Variants in GINS3 observed in about 807,000 individuals in gnomAD.
GINS3 encodes the protein GINS complex subunit 3.
Under a neutral mutation model 20.0 loss-of-function variants are expected in GINS3, and 18 were observed. The observed-to-expected ratio is 0.90, with a 90% CI of 0.62 to 1.33. The LOEUF is 1.33. GINS3 is among the 40% of genes most tolerant of loss of function. The pLI, the probability that GINS3 is intolerant of heterozygous loss-of-function variation, is 0.00. For missense variants in GINS3, 254 were observed against 273.6 expected (o/e 0.93, Z 0.51); for synonymous variants, 109 against 107.0 (o/e 1.02, Z -0.12).
intron 1 of GINS3, among the ~76,000 whole-genome samples, chr16:58,400,749 TAAAA>T (rs554089926): frequency 2.0e-5 from 3 of 147,944 alleles, no homozygotes; most frequent in Non-Finnish European, 3.0e-5. Context: ...TTTTAGCACA[TAAAA>T]AAAAAATTCC....
At chr16:58,399,256 C>T (rs954912409) in intron 1 of GINS3, among the ~76,000 whole-genome samples, 2 of 150,042 alleles carry the variant, frequency 1.3e-5, no homozygotes, top group African/African-American at 4.9e-5. Context: ...CACTGCACTC[C>T]AGCCTGGGTG....
intron 1 of GINS3, among the ~76,000 whole-genome samples, chr16:58,400,524 C>G (rs968420350): frequency 3.3e-5 from 5 of 152,328 alleles, no homozygotes; most frequent in African/African-American, 1.2e-4. Flanking sequence ...CAGGCACACT[C>G]TCATCAGTTC....
At chr16:58,394,564 C>A (rs1965822957) in intron 1 of GINS3, among the ~76,000 whole-genome samples, 1 of 152,198 alleles carries the variant, frequency 6.6e-6, no homozygotes, top group Non-Finnish European at 1.5e-5. Flanking sequence ...CCAGGCTGGT[C>A]TGGAACTCCT....
At chr16:58,400,235 A>G (rs1965937339) in intron 1 of GINS3, among the ~76,000 whole-genome samples, 1 of 152,244 alleles carries the variant, frequency 6.6e-6, no homozygotes, top group Non-Finnish European at 1.5e-5. Flanking sequence ...TAGCAGAGGG[A>G]AAGGTTGCAT....
intron 2 of GINS3, 149 bp from the exon 3 acceptor site, chr16:58,404,350 C>T (rs1965998130): frequency 3.2e-6 from 2 of 621,066 alleles, no homozygotes; most frequent in South Asian, 4.0e-5. Context: ...CAATAACTTA[C>T]TTGGGTGCTA....
At chr16:58,399,692 C>G (rs545910104) in intron 1 of GINS3, among the ~76,000 whole-genome samples, 7 of 151,820 alleles carry the variant, frequency 4.6e-5, no homozygotes, top group African/African-American at 1.2e-4. Flanking sequence ...TTTTTCTATC[C>G]TTTCTTGACT....
chr16:58,401,725 C>G (rs998019809), intron 1 of GINS3, among the ~76,000 whole-genome samples: 5 of 152,246 alleles, frequency 3.3e-5, no homozygotes, highest in African/African-American at 1.2e-4. Flanking sequence ...CGTGAGCCAC[C>G]GGCCCCTGCC....
At position 58,392,939 on chromosome 16, in the gene GINS3, CCGCGGGGGTCCCTT is replaced by C. The variant is rs1315772590; in HGVS notation, c.186+157_186+170del. On this transcript the variant is annotated intron_variant, in intron 1 of 2. Transcript: ENST00000318129. ...AGGCGCTAACGACTTCTCGGAAACT[CCGCGGGGGTCCCTT>C]CGCGCTCGGGGTGGTCTCCAGACTT... The C allele has an allele frequency of 4.0e-6, 3 of 757,564 alleles. No homozygotes were observed. The East Asian group carries it at 8.4e-5, about 21-fold the overall frequency. 46.9% of individuals were successfully genotyped at this position (757,564 alleles called of 1,614,324 possible).
Position 58,404,764 on chromosome 16 carries a change from G to GGAGGGA in GINS3, c.*35_*36insGAGGGA. On this transcript the variant is annotated 3_prime_UTR_variant, in exon 3 of 3. Transcript: ENST00000318129. The stretch of plus-strand genomic sequence containing the variant: ...GAACACAGAATGGCTCCTCACAGAC[G>GGAGGGA]TATCCCTCCGTGTGTCCTTGATAGG... 2.1e-6 allele frequency: 3 copies of GGAGGGA among 1,449,930 alleles called. No individual in the cohort carries two copies. The highest frequency in any genetic ancestry group is 2.9e-6 in the Non-Finnish European group (3 of 1,039,976). The allele number at this position is 1,449,930 out of a possible 1,614,324, so 89.8% of individuals were successfully genotyped here. A position where few individuals can be genotyped will look rare whatever the true frequency, so the allele number is the denominator to read the frequency against.
rs546938119 is a variant in GINS3 at position 58,392,868 on chromosome 16, G to C, written c.186+81G>C. 7.1e-5 allele frequency: 98 copies of C among 1,373,180 alleles called. No individual in the cohort carries two copies. The African/African-American group carries it at 1.3e-3, about 18-fold the overall frequency. The allele number at this position is 1,373,180 out of a possible 1,614,324, so 85.1% of individuals were successfully genotyped here. A position where few individuals can be genotyped will look rare whatever the true frequency, so the allele number is the denominator to read the frequency against. ...CTCGGCCCTGGGACGCCGCATCGGG[G>C]CGCGCTGCCCTTTGGGATTTGTAGT... On this transcript the variant is annotated intron_variant, in intron 1 of 2. Transcript: ENST00000318129.
chr16:58,396,527 C>A (rs1216575398), intron 1 of GINS3, among the ~76,000 whole-genome samples: 1 of 53,186 alleles, frequency 1.9e-5, no homozygotes, highest in Non-Finnish European at 3.7e-5. Flanking sequence ...CTGACCCCCC[C>A]ACCTCCCTCC....
At chr16:58,393,945 T>G (rs1567534420) in intron 1 of GINS3, among the ~76,000 whole-genome samples, 1 of 152,156 alleles carries the variant, frequency 6.6e-6, no homozygotes, top group African/African-American at 2.4e-5. Context: ...ATGTACCTTT[T>G]TTAGTGGTGT....
At chr16:58,400,547 G>T (rs1965940857) in intron 1 of GINS3, among the ~76,000 whole-genome samples, 1 of 152,188 alleles carries the variant, frequency 6.6e-6, no homozygotes, top group Non-Finnish European at 1.5e-5. Flanking sequence ...GGACGGGTGA[G>T]AATCCTCCTG....
At chr16:58,397,414 G>C (rs1315087498) in intron 1 of GINS3, among the ~76,000 whole-genome samples, 1 of 149,196 alleles carries the variant, frequency 6.7e-6, no homozygotes, top group Non-Finnish European at 1.5e-5. Context: ...TGGCAGCCGG[G>C]CAGAGGCTGC....
At chr16:58,398,325 T>C (rs1965911727) in intron 1 of GINS3, among the ~76,000 whole-genome samples, 1 of 152,216 alleles carries the variant, frequency 6.6e-6, no homozygotes, top group African/African-American at 2.4e-5. Flanking sequence ...AAAATACTTT[T>C]TAGGCCAGGC....
rs1267098910 is a variant in GINS3, at chr16:58,405,401, C to T, written c.*672C>T. The T allele has an allele frequency of 6.6e-6, 1 of 152,242 alleles. No homozygotes were observed. Among genetic ancestry groups the T allele is most frequent in the Non-Finnish European group, 1.5e-5 (1 of 68,082 alleles). 9.4% of individuals were successfully genotyped at this position (152,242 alleles called of 1,614,324 possible). The stretch of plus-strand genomic sequence containing the variant: ...AATCTGCATAACTCAGCAGTCAACC[C>T]AGAAGGGAAATGGTTAAACTGAGCT... On this transcript the variant is annotated 3_prime_UTR_variant, in exon 3 of 3. Coordinates refer to ENST00000318129, the MANE Select transcript of GINS3 (RefSeq NM_022770.4).
rs190888516 is a variant in GINS3 at position 58,401,597 on chromosome 16, A to C, written c.187-1501A>C. Among the ~76,000 whole-genome samples, 261 of 152,324 alleles carry C rather than the reference A, an allele frequency of 1.7e-3. 2 individuals carry two copies. The highest frequency in any genetic ancestry group is 5.8e-3 in the African/African-American group (242 of 41,560). On this transcript the variant is annotated intron_variant, in intron 1 of 2. Coordinates refer to ENST00000318129, the MANE Select transcript of GINS3 (RefSeq NM_022770.4). ...CTGATTGGTGTGTTTACAAACCTTTAGCTAGATACAGAGCACTGATTGGTG... is the reference window on the plus strand; with the variant it reads ...CTGATTGGTGTGTTTACAAACCTTTCGCTAGATACAGAGCACTGATTGGTG...
intron 1 of GINS3, among the ~76,000 whole-genome samples, chr16:58,394,677 C>A (rs147783991): frequency 9.5e-4 from 145 of 152,190 alleles, no homozygotes; most frequent in African/African-American, 3.4e-3. Context: ...TTCTTTTTTT[C>A]TCAGCATTAG....
chr16:58,399,427 C>T (rs1202502680), intron 1 of GINS3, among the ~76,000 whole-genome samples: 2 of 152,048 alleles, frequency 1.3e-5, no homozygotes. Context: ...ATTATTGTCA[C>T]GTCTCCCTTT....
Sources: gnomAD v4.1 joint callset for allele counts (sites outside exome capture counted in the v4.1 genomes callset) on GRCh38, gnomAD v4.1.1 for gene constraint, MANE v1.5 for transcripts, NCBI Gene and HGNC (gene_info 2026-07-23, HGNC 2026-07-21) for gene names.